Variants in CTNNA3 observed in about 807,000 individuals in gnomAD.
CTNNA3 encodes catenin alpha-3.
Under a neutral mutation model 95.7 loss-of-function variants are expected in CTNNA3, and 76 were observed. That is an observed-to-expected ratio of 0.79 (90% confidence interval 0.66 to 0.96). CTNNA3 has a LOEUF of 0.96. CTNNA3 is among the 40% of genes least tolerant of loss of function. CTNNA3 has a pLI of 0.00. For synonymous variants in CTNNA3, 431 were observed against 374.4 expected (o/e 1.15, Z -1.74); for missense variants, 1,191 against 1,089.8 (o/e 1.09, Z -1.31).
intron 11 of CTNNA3, among the ~76,000 whole-genome samples, chr10:66,455,127 C>T (rs2093487730): frequency 6.6e-6 from 1 of 151,990 alleles, no homozygotes; most frequent in African/African-American, 2.4e-5. Context: ...TGGTGAAGAA[C>T]ATCTAAGAAA....
intron 7 of CTNNA3, among the ~76,000 whole-genome samples, chr10:66,820,518 G>T (rs1009454465): frequency 1.3e-5 from 2 of 151,822 alleles, no homozygotes; most frequent in African/African-American, 4.8e-5. Flanking sequence ...TGACAAGCAT[G>T]TACACATACA....
intron 5 of CTNNA3, among the ~76,000 whole-genome samples, chr10:67,421,450 T>A (rs2132868865): frequency 6.6e-6 from 1 of 152,302 alleles, no homozygotes; most frequent in East Asian, 1.9e-4. Context: ...CCTCATAGAT[T>A]GTATGTACAA....
chr10:66,139,727 G>A (rs1156437094), intron 13 of CTNNA3, among the ~76,000 whole-genome samples: 2 of 152,154 alleles, frequency 1.3e-5, no homozygotes, highest in Non-Finnish European at 2.9e-5. Context: ...TGAAGGACAT[G>A]GACAGACACT....
At chr10:67,071,750 T>C (rs1386641260) in intron 7 of CTNNA3, among the ~76,000 whole-genome samples, 1 of 152,136 alleles carries the variant, frequency 6.6e-6, no homozygotes, top group Admixed American at 6.5e-5. Flanking sequence ...TACTTATGTT[T>C]AAAAAAATTA....
chr10:67,053,100 T>A (rs1054092928), intron 7 of CTNNA3, among the ~76,000 whole-genome samples: 1 of 152,308 alleles, frequency 6.6e-6, no homozygotes, highest in Admixed American at 6.5e-5. Flanking sequence ...AACTTTGTAA[T>A]ACTGCTTTGT....
chr10:67,534,277 G>C (rs944648803), intron 4 of CTNNA3, among the ~76,000 whole-genome samples: 1 of 152,110 alleles, frequency 6.6e-6, no homozygotes. Flanking sequence ...TAGGATTGGG[G>C]AGTGTGATGG....
In CTNNA3 at chr10:66,970,505, G is replaced by C. The variant is rs80332308; in HGVS notation, c.1048-194981C>G. ...ACAAAAGGTCTATATTCTTGGGTGG[G>C]GGGGGGATACAATTCTTCTATTAGG... On this transcript the variant is annotated intron_variant, in intron 7 of 17. Coordinates refer to ENST00000433211, the MANE Select transcript of CTNNA3 (RefSeq NM_013266.4). Among the ~76,000 whole-genome samples, 555 of 144,754 alleles carry C rather than the reference G, an allele frequency of 3.8e-3. 11 individuals are homozygous for C. In the East Asian group the frequency reaches 0.055, roughly 14 times the overall value. The allele number at this position is 144,754 out of a possible 152,430, so 95.0% of individuals were successfully genotyped here.
chr10:66,964,302 A>G (rs1002603451), intron 7 of CTNNA3, among the ~76,000 whole-genome samples: 1 of 150,974 alleles, frequency 6.6e-6, no homozygotes, highest in African/African-American at 2.4e-5. Context: ...CCGCATTTCA[A>G]TCTAGATGTT....
chr10:67,387,711 C>T (rs990383768), intron 5 of CTNNA3, among the ~76,000 whole-genome samples: 1 of 152,240 alleles, frequency 6.6e-6, no homozygotes, highest in Admixed American at 6.5e-5. Context: ...AGCTGGAGAT[C>T]TGAGAACCAG....
At position 66,101,674 on chromosome 10, in the gene CTNNA3, CT is replaced by C. The variant is rs576229107; in HGVS notation, c.1977+1482del. On this transcript the variant is annotated intron_variant, in intron 14 of 17. Transcript: ENST00000433211. ...ATATAGTTAAGCTCTAATGAGATAG[CT>C]TTTTAAACATTCATTTCACATATGT... is the stretch of plus-strand genomic sequence containing the variant. Among the ~76,000 whole-genome samples the C allele has an allele frequency of 1.9e-4, 29 of 152,124 alleles. No individual in the cohort carries two copies. In the South Asian group the frequency reaches 4.8e-3, roughly 25 times the overall value.
chr10:66,269,150 C>A (rs1425930369), intron 13 of CTNNA3, among the ~76,000 whole-genome samples: 1 of 152,316 alleles, frequency 6.6e-6, no homozygotes, highest in African/African-American at 2.4e-5. Context: ...ACCATCCTTA[C>A]GTAGGTATCT....
chr10:66,407,095 G>A (rs763693292), intron 11 of CTNNA3, among the ~76,000 whole-genome samples: 9 of 151,646 alleles, frequency 5.9e-5, no homozygotes, highest in South Asian at 2.1e-4. Flanking sequence ...TCAAACACCA[G>A]CCAACAGATT....
At chr10:66,489,900 G>T (rs1298027701) in intron 11 of CTNNA3, among the ~76,000 whole-genome samples, 3 of 152,176 alleles carry the variant, frequency 2.0e-5, no homozygotes, top group Admixed American at 6.5e-5. Context: ...TGGCCAAAAG[G>T]CCTTCTATTT....
At chr10:66,445,032 T>C (rs1251807521) in intron 11 of CTNNA3, among the ~76,000 whole-genome samples, 1 of 151,998 alleles carries the variant, frequency 6.6e-6, no homozygotes, top group African/African-American at 2.4e-5. Context: ...TCCTAGTCTC[T>C]GATAAAACAG....
chr10:66,331,344 T>C (rs1394961897), intron 12 of CTNNA3, among the ~76,000 whole-genome samples: 24 of 11,456 alleles, frequency 2.1e-3, no homozygotes, highest in Admixed American at 2.7e-3. Context: ...CATTGTTTGT[T>C]TTTTTTTTTT....
chr10:67,621,027 GGC>G (rs1264270710), intron 2 of CTNNA3, among the ~76,000 whole-genome samples: 26 of 151,010 alleles, frequency 1.7e-4, no homozygotes, highest in African/African-American at 6.1e-4. Flanking sequence ...ACCATTTTAT[GGC>G]AAGCTTTGGA....
intron 7 of CTNNA3, among the ~76,000 whole-genome samples, chr10:66,864,774 A>G (rs539765796): frequency 3.9e-5 from 6 of 152,288 alleles, no homozygotes; most frequent in African/African-American, 1.4e-4. Flanking sequence ...ACATAGATGT[A>G]GCTTTTAGAT....
chr10:66,406,310 G>C (rs2456752), intron 11 of CTNNA3, among the ~76,000 whole-genome samples: 96,766 of 151,908 alleles, frequency 0.64, 32,831 homozygotes, highest in East Asian at 0.88. Context: ...TTTAGGCACT[G>C]TTTTTCATCA....
chr10:66,229,088 G>A (rs1301309765), intron 13 of CTNNA3, among the ~76,000 whole-genome samples: 1 of 152,016 alleles, frequency 6.6e-6, no homozygotes, highest in Admixed American at 6.6e-5. Context: ...AATCTATATA[G>A]CCCAGTCAGC....
Sources: allele counts gnomAD v4.1 joint callset (sites outside exome capture counted in the v4.1 genomes callset), GRCh38; gene constraint gnomAD v4.1.1; transcripts MANE v1.5; gene names NCBI Gene and HGNC (gene_info 2026-07-23, HGNC 2026-07-21).